SETD3: variants seen among roughly 807,000 people sequenced by gnomAD.
The protein encoded by SETD3 is actin-histidine N-methyltransferase.
Under a neutral mutation model 63.0 loss-of-function variants are expected in SETD3, and 19 were observed. That is an observed-to-expected ratio of 0.30 (90% CI 0.21 to 0.44). SETD3 has a LOEUF of 0.44. SETD3 is among the 20% of genes least tolerant of loss of function. The probability of loss-of-function intolerance (pLI) is 1.00; values close to 1 mark genes in which losing one functional copy is unlikely to be tolerated. For synonymous variants in SETD3, 286 were observed against 264.1 expected (o/e 1.08, Z -0.80); for missense variants, 587 against 728.5 (o/e 0.81, Z 2.24).
chr14:99,437,683 G>A (rs772823695), intron 6 of SETD3, among the ~76,000 whole-genome samples: 6 of 151,170 alleles, frequency 4.0e-5, no homozygotes, highest in Middle Eastern at 3.4e-3. Context: ...ACGTGTATAC[G>A]TGTGTGTGTG....
At chr14:99,408,500 C>T (rs538891130) in intron 8 of SETD3, among the ~76,000 whole-genome samples, 1 of 151,916 alleles carries the variant, frequency 6.6e-6, no homozygotes, top group East Asian at 2.0e-4. Context: ...GCTGGCAGTA[C>T]AGGTACACAG....
At chr14:99,446,944 G>A (rs7159993) in intron 6 of SETD3, among the ~76,000 whole-genome samples, 139,423 of 151,146 alleles carry the variant, frequency 0.92, 65,392 homozygotes, top group East Asian at 1. Context: ...CCCAGACAGA[G>A]CCCCAAGGAC....
At position 99,463,543 on chromosome 14, in the gene SETD3, A is replaced by G. The variant is rs1895195359; in HGVS notation, c.139T>C (p.Trp47Arg). The G allele has an allele frequency of 6.2e-7, 1 of 1,613,454 alleles. No individual in the cohort carries two copies. The highest frequency in any genetic ancestry group is 8.5e-7 in the Non-Finnish European group (1 of 1,179,904). The change falls in exon 3 of 13, where the codon TGG becomes CGG. Residue 47 changes from tryptophan (W) to arginine (R), a missense_variant. Transcript: ENST00000331768. Reference protein sequence around the residue: ...SSPAPGPGKEWEEYVQIRTLV... With the variant: ...SSPAPGPGKEREEYVQIRTLV... Reference sequence around the variant, plus strand: ...GTCCGGATCTGCACATACTCTTCCCACTCTTTTCCTGGGCCAGGCGCCGGA... The same window carrying G: ...GTCCGGATCTGCACATACTCTTCCCGCTCTTTTCCTGGGCCAGGCGCCGGA...
intron 1 of SETD3, among the ~76,000 whole-genome samples, chr14:99,468,604 C>T (rs1371489810): frequency 6.6e-6 from 1 of 151,880 alleles, no homozygotes; most frequent in Non-Finnish European, 1.5e-5. Flanking sequence ...GGCTCCCAGT[C>T]CCTCTACAGA....
rs747811359 is a variant in SETD3, at chr14:99,412,883, GC to G, written c.849+67del. 490 of 1,103,656 alleles carry G rather than the reference GC, an allele frequency of 4.4e-4. 1 individual carries two copies. The highest frequency in any genetic ancestry group is 3.8e-3 in the Middle Eastern group (18 of 4,748). The allele number at this position is 1,103,656 out of a possible 1,614,324, so 68.4% of individuals were successfully genotyped here. ...AGTACGATGGGTAGGTGGAATAACAGCCCCCTCCCAAAGCTTAGCAACAACA... is the reference window on the plus strand; with the variant it reads ...AGTACGATGGGTAGGTGGAATAACAGCCCCTCCCAAAGCTTAGCAACAACA... On this transcript the variant is annotated intron_variant, in intron 8 of 12. Transcript: ENST00000331768.
At chr14:99,482,589 G>GT (rs560663638), upstream of SETD3, among the ~76,000 whole-genome samples, 371 of 152,172 alleles carry the variant, frequency 2.4e-3, 1 homozygote, top group African/African-American at 8.6e-3. Context: ...GTCTTTTAGG[G>GT]TTTTTTTCCC....
intron 6 of SETD3, among the ~76,000 whole-genome samples, chr14:99,437,288 C>G (rs1266480781): frequency 6.6e-6 from 1 of 152,176 alleles, no homozygotes; most frequent in Non-Finnish European, 1.5e-5. Context: ...GCACACCACA[C>G]TCCAGGCCCA....
At chr14:99,484,460 T>A (rs1896433914), upstream of SETD3, among the ~76,000 whole-genome samples, 1 of 152,228 alleles carries the variant, frequency 6.6e-6, no homozygotes, top group African/African-American at 2.4e-5. Flanking sequence ...AGAAAAATGG[T>A]TAGATTTGTT....
chr14:99,469,895 T>G (rs1184376572), intron 1 of SETD3, among the ~76,000 whole-genome samples: 1 of 152,244 alleles, frequency 6.6e-6, no homozygotes, highest in East Asian at 1.9e-4. Flanking sequence ...CTTCCCCCAG[T>G]AGCCCACATT....
chr14:99,456,245 T>G (rs955458763), intron 6 of SETD3, among the ~76,000 whole-genome samples: 3 of 152,230 alleles, frequency 2.0e-5, no homozygotes, highest in Admixed American at 2.0e-4. Flanking sequence ...ACTTTTGACA[T>G]AAAAGTAACC....
chr14:99,457,020 C>T lies in SETD3; in HGVS notation c.675+1259G>A, dbSNP rs111932736. On this transcript the variant is annotated intron_variant, in intron 6 of 12. Coordinates refer to ENST00000331768, the MANE Select transcript of SETD3 (RefSeq NM_032233.3). ...CAAGAGAAAATGACAAATACTTAGA[C>T]CTACTAAAGTCAGCTTAACCTTTAG... Among the ~76,000 whole-genome samples the T allele has an allele frequency of 3.3e-5, 5 of 152,292 alleles. 1 individual carries two copies. The highest frequency in any genetic ancestry group is 1.2e-4 in the African/African-American group (5 of 41,568).
intron 6 of SETD3, among the ~76,000 whole-genome samples, chr14:99,446,525 G>T (rs1302765517): frequency 6.6e-6 from 1 of 152,132 alleles, no homozygotes; most frequent in Non-Finnish European, 1.5e-5. Flanking sequence ...GGACTCCATG[G>T]TAACTGTTTG....
intron 11 of SETD3, among the ~76,000 whole-genome samples, chr14:99,402,777 TA>T (rs995759644): frequency 2.0e-5 from 3 of 152,290 alleles, no homozygotes; most frequent in African/African-American, 7.2e-5. Context: ...TCTACATCAG[TA>T]AAATGGGAGC....
At position 99,463,476 on chromosome 14, in the gene SETD3, G is replaced by A. The variant is rs750879854; in HGVS notation, c.196+10C>T. 5 of 1,602,598 alleles carry A rather than the reference G, an allele frequency of 3.1e-6. No homozygotes were observed. The highest frequency in any genetic ancestry group is 4.5e-5 in the East Asian group (2 of 44,814). ...TTATTAAAATACAGTTATCATTCTA[G>A]CAATTTTACCTTTTTGCTTTTTCCG... On this transcript the variant is annotated intron_variant, in intron 3 of 12. Coordinates refer to ENST00000331768, the MANE Select transcript of SETD3 (RefSeq NM_032233.3).
At chr14:99,469,344 C>CTA (rs937438290) in intron 1 of SETD3, among the ~76,000 whole-genome samples, 1 of 152,218 alleles carries the variant, frequency 6.6e-6, no homozygotes, top group African/African-American at 2.4e-5. Context: ...CTAGCTAAGA[C>CTA]CCTCATCTCC....
Position 99,435,777 on chromosome 14 carries a change from G to A in SETD3, c.676-21843C>T, listed in dbSNP as rs114138892. Among the ~76,000 whole-genome samples, 1,025 of 149,806 alleles carry A rather than the reference G, an allele frequency of 6.8e-3. 11 individuals are homozygous for A. The highest frequency in any genetic ancestry group is 0.024 in the African/African-American group (964 of 40,656). On this transcript the variant is annotated intron_variant, in intron 6 of 12. Coordinates refer to ENST00000331768, the MANE Select transcript of SETD3 (RefSeq NM_032233.3). Reference sequence around the variant, plus strand: ...TTTTTTTTGTAAGTATGGAAACTGAGGCTCAGATTGCTTGAGGGACTTGGC... The same window carrying A: ...TTTTTTTTGTAAGTATGGAAACTGAAGCTCAGATTGCTTGAGGGACTTGGC...
chr14:99,404,340 C>T, intron 10 of SETD3, 30 bp from the exon 11 acceptor site: 1 of 1,604,000 alleles, frequency 6.2e-7, no homozygotes, highest in Non-Finnish European at 8.5e-7. Flanking sequence ...AGATCAGTCA[C>T]CCTGCTGCGG....
At chr14:99,478,988 T>G (rs1028257701) in intron 1 of SETD3, among the ~76,000 whole-genome samples, 3 of 152,246 alleles carry the variant, frequency 2.0e-5, no homozygotes, top group Admixed American at 6.5e-5. Context: ...CAGCCATCAC[T>G]TTCTTACTGA....
At chr14:99,443,291 C>T in intron 6 of SETD3, among the ~76,000 whole-genome samples, 1 of 123,768 alleles carries the variant, frequency 8.1e-6, no homozygotes, top group African/African-American at 3.3e-5. Context: ...GATGGAGTGT[C>T]ACTCTGTTGC....
Sources: allele counts gnomAD v4.1 joint callset (sites outside exome capture counted in the v4.1 genomes callset), GRCh38; gene constraint gnomAD v4.1.1; transcripts MANE v1.5; gene names NCBI Gene and HGNC (gene_info 2026-07-23, HGNC 2026-07-21).